The following PTPRD variants were observed in gnomAD, a reference collection of about 807,000 sequenced individuals.
PTPRD encodes the protein protein tyrosine phosphatase receptor type D, also known as receptor-type tyrosine-protein phosphatase delta.
In PTPRD, 34 loss-of-function variants were observed where a neutral mutation model predicts 214.5. The observed-to-expected ratio is 0.16, with a 90% CI of 0.12 to 0.21. PTPRD has a LOEUF of 0.21. Among genes scored for constraint, PTPRD ranks in the 10% least tolerant of loss-of-function variants. The pLI is 1.00. For missense variants in PTPRD, 2,545 were observed against 2,398.7 expected (o/e 1.06, Z -1.27); for synonymous variants, 1,128 against 845.7 (o/e 1.33, Z -5.79).
chr9:9,701,040 A>T (rs10977927), intron 7 of PTPRD, among the ~76,000 whole-genome samples: 16,918 of 133,414 alleles, frequency 0.13, 1,256 homozygotes, highest in East Asian at 0.42. Flanking sequence ...TCCTGAGATT[A>T]AAAAAAAAAA....
intron 3 of PTPRD, among the ~76,000 whole-genome samples, chr9:10,166,036 G>A (rs1261246882): frequency 6.7e-6 from 1 of 148,744 alleles, no homozygotes; most frequent in African/African-American, 2.5e-5. Context: ...TATATATTAT[G>A]CATTATATAT....
chr9:8,673,684 C>A (rs2097335998), intron 12 of PTPRD, among the ~76,000 whole-genome samples: 1 of 151,908 alleles, frequency 6.6e-6, no homozygotes, highest in Admixed American at 6.6e-5. Context: ...TATATTTATT[C>A]TCTTATTCTG....
intron 11 of PTPRD, chr9:8,958,948 A>G (rs150760348): frequency 1.1e-4 from 16 of 152,046 alleles, no homozygotes; most frequent in South Asian, 6.2e-4. Flanking sequence ...GTTTTAAGTT[A>G]GTTTGAGTTG....
intron 9 of PTPRD, among the ~76,000 whole-genome samples, chr9:9,195,867 G>T (rs1189247258): frequency 6.6e-6 from 1 of 152,062 alleles, no homozygotes; most frequent in Non-Finnish European, 1.5e-5. Flanking sequence ...CAGAGTTATA[G>T]GCTGGTCATT....
In PTPRD at chr9:8,341,939, A is replaced by G. The variant is rs2132524130; in HGVS notation, c.4701T>C (p.Asp1567=). 2 of 1,612,740 alleles carry G rather than the reference A, an allele frequency of 1.2e-6. No homozygotes were observed. Among genetic ancestry groups the G allele is most frequent in the Non-Finnish European group, 8.5e-7 (1 of 1,179,454 alleles). ...CATGCTTTATTCTTTCTAACATGGCATCTATGACGATGAAGCAACCAGTCC... is the reference window on the plus strand; with the variant it reads ...CATGCTTTATTCTTTCTAACATGGCGTCTATGACGATGAAGCAACCAGTCC... The part of the protein sequence containing the change: ...VGRTGCFIVI[D]AMLERIKHEK... The change falls in exon 40 of 46, where the codon GAT becomes GAC. Residue 1567 remains aspartate, a synonymous_variant. Transcript: ENST00000381196.
At chr9:8,714,855 C>T (rs1049757462) in intron 12 of PTPRD, among the ~76,000 whole-genome samples, 12 of 152,054 alleles carry the variant, frequency 7.9e-5, no homozygotes, top group African/African-American at 2.7e-4. Context: ...ATATACTTTC[C>T]TATTTATCAA....
chr9:9,343,894 G>C (rs1381969439), intron 9 of PTPRD, among the ~76,000 whole-genome samples: 1 of 152,060 alleles, frequency 6.6e-6, no homozygotes, highest in African/African-American at 2.4e-5. Flanking sequence ...CAATACCAAT[G>C]AGAAGAAACA....
chr9:10,319,506 T>C (rs544593015), intron 3 of PTPRD, among the ~76,000 whole-genome samples: 3 of 152,232 alleles, frequency 2.0e-5, no homozygotes, highest in African/African-American at 7.2e-5. Flanking sequence ...CTCTGGATCA[T>C]ATTTTTTGTA....
At chr9:9,232,542 T>C (rs1406857330) in intron 9 of PTPRD, among the ~76,000 whole-genome samples, 2 of 152,188 alleles carry the variant, frequency 1.3e-5, no homozygotes, top group South Asian at 2.1e-4. Context: ...TTCACTGTTA[T>C]GAAATTTATT....
chr9:9,853,957 T>C (rs1426831827), intron 5 of PTPRD, among the ~76,000 whole-genome samples: 1 of 152,228 alleles, frequency 6.6e-6, no homozygotes, highest in Non-Finnish European at 1.5e-5. Context: ...AATCAAGGTA[T>C]TTAGCAGATT....
At chr9:9,248,833 A>G (rs2099974159) in intron 9 of PTPRD, among the ~76,000 whole-genome samples, 1 of 152,088 alleles carries the variant, frequency 6.6e-6, no homozygotes, top group African/African-American at 2.4e-5. Flanking sequence ...GGAGACAAAC[A>G]TAAGCAAGTA....
chr9:9,437,070 T>C (rs143460004), intron 8 of PTPRD, among the ~76,000 whole-genome samples: 84 of 152,304 alleles, frequency 5.5e-4, no homozygotes, highest in African/African-American at 1.9e-3. Flanking sequence ...CTTAAAGCAA[T>C]GTAATAAACT....
intron 10 of PTPRD, among the ~76,000 whole-genome samples, chr9:9,032,560 T>G (rs895173): frequency 1.0e-3 from 154 of 151,908 alleles, no homozygotes; most frequent in African/African-American, 3.7e-3. Context: ...GGCAATGTTC[T>G]GTACCTGTGG....
At chr9:9,330,919 G>A (rs1216481347) in intron 9 of PTPRD, among the ~76,000 whole-genome samples, 1 of 138,140 alleles carries the variant, frequency 7.2e-6, no homozygotes, top group Admixed American at 7.3e-5. Context: ...TTTTTTTTTT[G>A]AAATGATATC....
intron 2 of PTPRD, among the ~76,000 whole-genome samples, chr9:10,535,998 C>G (rs1482139205): frequency 6.6e-6 from 1 of 151,968 alleles, no homozygotes; most frequent in Non-Finnish European, 1.5e-5. Context: ...AAATAATAAC[C>G]GTGAAGAGGG....
At chr9:9,526,280 C>A (rs530035518) in intron 8 of PTPRD, among the ~76,000 whole-genome samples, 35 of 152,040 alleles carry the variant, frequency 2.3e-4, no homozygotes, top group Non-Finnish European at 3.7e-4. Flanking sequence ...ATTAATGGTG[C>A]TTTTATGACT....
intron 9 of PTPRD, among the ~76,000 whole-genome samples, chr9:9,248,211 G>T (rs1335517162): frequency 6.6e-6 from 1 of 151,884 alleles, no homozygotes; most frequent in African/African-American, 2.4e-5. Context: ...TCCTGCCTAA[G>T]CCTCCCGAGC....
At position 10,025,862 on chromosome 9, in the gene PTPRD, C is replaced by G. The variant is rs561014983; in HGVS notation, c.-472+7856G>C. Among the ~76,000 whole-genome samples the G allele has an allele frequency of 2.6e-5, 4 of 152,284 alleles. No homozygotes were observed. The South Asian group carries it at 8.3e-4, about 32-fold the overall frequency. On this transcript the variant is annotated intron_variant, in intron 4 of 45. Coordinates refer to ENST00000381196, the MANE Select transcript of PTPRD (RefSeq NM_002839.4). The stretch of plus-strand genomic sequence containing the variant: ...TTAAATAAACACCTGTGCTACAGTT[C>G]ACGGAACATTTCAACCTCACCACTT...
At chr9:10,256,162 T>C (rs1056831654) in intron 3 of PTPRD, among the ~76,000 whole-genome samples, 2 of 152,180 alleles carry the variant, frequency 1.3e-5, no homozygotes, top group Non-Finnish European at 2.9e-5. Context: ...CCTCTCCCAT[T>C]GCCCTCAGTT....
Sources: gnomAD v4.1 joint callset for allele counts (sites outside exome capture counted in the v4.1 genomes callset) on GRCh38, gnomAD v4.1.1 for gene constraint, MANE v1.5 for transcripts, NCBI Gene and HGNC (gene_info 2026-07-23, HGNC 2026-07-21) for gene names.